Variants in FRMPD3 observed in about 807,000 individuals in gnomAD.
The protein encoded by FRMPD3 is FERM and PDZ domain containing 3.
Under a neutral mutation model 97.9 loss-of-function variants are expected in FRMPD3, and 42 were observed. The observed-to-expected ratio is 0.43, with a 90% CI of 0.34 to 0.55. The LOEUF (loss-of-function observed/expected upper bound fraction) is 0.55, where lower values mean the gene tolerates loss of function less well. FRMPD3 is among the 20% of genes least tolerant of loss of function. The pLI is 0.03. For missense variants in FRMPD3, 1,303 were observed against 1,457.7 expected (o/e 0.89, Z 1.73); for synonymous variants, 577 against 581.1 (o/e 0.99, Z 0.10).
At chrX:107,552,719 C>T (rs1365779007) in intron 6 of FRMPD3, 76 bp from the exon 7 acceptor site, 5 of 1,085,739 alleles carry the variant, frequency 4.6e-6, no homozygotes, top group Non-Finnish European at 5.0e-6. Flanking sequence ...GTTTAATCCC[C>T]CCTCCCATGT....
At chrX:107,477,613 A>C (rs1444389169) in intron 1 of FRMPD3, among the ~76,000 whole-genome samples, 1 of 112,479 alleles carries the variant, frequency 8.9e-6, no homozygotes, top group African/African-American at 3.2e-5. Flanking sequence ...AGTAAAAGGG[A>C]GATGAATTTA....
At chrX:107,483,054 G>A (rs994502516) in intron 1 of FRMPD3, among the ~76,000 whole-genome samples, 1 of 111,930 alleles carries the variant, frequency 8.9e-6, no homozygotes, top group Admixed American at 9.4e-5. Context: ...TATGGGATGC[G>A]AGCAAGGCAT....
intron 1 of FRMPD3, among the ~76,000 whole-genome samples, chrX:107,480,867 G>GA (rs2086942810): frequency 1.6e-5 from 1 of 62,959 alleles, no homozygotes; most frequent in South Asian, 1.0e-3. Flanking sequence ...AGGAAAGAAA[G>GA]AAAGGAAGGA....
At position 107,600,905 on chromosome X, in the gene FRMPD3, A is replaced by C. The variant is rs752427806; in HGVS notation, c.2866A>C (p.Ile956Leu). 1 of 1,209,574 alleles carries C rather than the reference A, an allele frequency of 8.3e-7. No homozygotes were observed. The highest frequency in any genetic ancestry group is 1.1e-6 in the Non-Finnish European group (1 of 894,891). ...DPKSSVTPAIISAALQQVVHN... is the reference protein window; with the variant it reads ...DPKSSVTPAILSAALQQVVHN... ...AAAGAGCAGTGTGACCCCTGCCATCATCTCGGCCGCCCTACAGCAAGTGGT... is the reference window on the plus strand; with the variant it reads ...AAAGAGCAGTGTGACCCCTGCCATCCTCTCGGCCGCCCTACAGCAAGTGGT... Residue 956 changes from isoleucine (I) to leucine (L), a missense_variant, in exon 15 of 15, where the codon ATC (isoleucine) becomes CTC (leucine). Coordinates refer to ENST00000683843, the MANE Select transcript of FRMPD3 (RefSeq NM_001388459.1).
rs1924221795 is a variant in FRMPD3 at position 107,597,362 on chromosome X, C to T, written c.1483C>T (p.Leu495=). The T allele has an allele frequency of 8.3e-7, 1 of 1,207,181 alleles. No homozygotes were observed. Among genetic ancestry groups the T allele is most frequent in the Non-Finnish European group, 1.1e-6 (1 of 894,513 alleles). The change falls in exon 14 of 15, where the codon CTG becomes TTG. Residue 495 remains leucine, a synonymous_variant. Coordinates refer to ENST00000683843, the MANE Select transcript of FRMPD3 (RefSeq NM_001388459.1). The part of the protein sequence containing the change: ...SAHRPVTGGH[L]GKKESSYVGS... ...CCACCGCCCTGTCACTGGGGGCCACCTGGGGAAAAAGGAGAGTAGTTATGT... is the reference window on the plus strand; with the variant it reads ...CCACCGCCCTGTCACTGGGGGCCACTTGGGGAAAAAGGAGAGTAGTTATGT...
At position 107,601,257 on chromosome X, in the gene FRMPD3, T is replaced by C; in HGVS notation, c.3218T>C (p.Val1073Ala). The C allele has an allele frequency of 8.3e-7, 1 of 1,209,451 alleles. No homozygotes were observed. Among genetic ancestry groups the C allele is most frequent in the Non-Finnish European group, 1.1e-6 (1 of 894,178 alleles). ...CTTTTGCGAACAAGCCGAGAGTCAG[T>C]GGGCAAGCAAGCTACAGGGGAGGTG... ...SYLLRTSRES[V>A]GKQATGEVAG... Residue 1073 changes from valine (V) to alanine (A), a missense_variant, in exon 15 of 15, where the codon GTG (valine) becomes GCG (alanine). Physicochemically the swap from Val to Ala is moderately conservative, Grantham distance 64 (BLOSUM62 0). Coordinates refer to ENST00000683843, the MANE Select transcript of FRMPD3 (RefSeq NM_001388459.1).
chrX:107,592,944 A>C (rs1194668477), intron 13 of FRMPD3, among the ~76,000 whole-genome samples: 1 of 109,108 alleles, frequency 9.2e-6, no homozygotes, highest in Non-Finnish European at 1.9e-5. Context: ...ATGCCTGGCT[A>C]ATTTTTGTAT....
chrX:107,459,174 C>A (rs759719590), intron 1 of FRMPD3, among the ~76,000 whole-genome samples: 7 of 112,474 alleles, frequency 6.2e-5, no homozygotes, highest in African/African-American at 1.6e-4. Flanking sequence ...GAGATGATAG[C>A]CAAGCTGGGG....
At chrX:107,477,033 T>C (rs1209983034) in intron 1 of FRMPD3, among the ~76,000 whole-genome samples, 1 of 111,799 alleles carries the variant, frequency 8.9e-6, no homozygotes, top group Non-Finnish European at 1.9e-5. Context: ...CTAGGTGACT[T>C]GAGAGAACCT....
chrX:107,461,098 A>C (rs1251632681), intron 1 of FRMPD3, among the ~76,000 whole-genome samples: 2 of 111,754 alleles, frequency 1.8e-5, no homozygotes, highest in Non-Finnish European at 3.8e-5. Flanking sequence ...CGCTTTAGAG[A>C]TTTCCACACT....
At chrX:107,487,343 T>C (rs1349758863) in intron 1 of FRMPD3, among the ~76,000 whole-genome samples, 1 of 111,319 alleles carries the variant, frequency 9.0e-6, no homozygotes, top group Non-Finnish European at 1.9e-5. Context: ...AGATAAGAGA[T>C]GTTTGCAATG....
chrX:107,509,005 A>G (rs772359653), intron 1 of FRMPD3, among the ~76,000 whole-genome samples: 3 of 111,382 alleles, frequency 2.7e-5, no homozygotes, highest in East Asian at 5.6e-4. Flanking sequence ...CCATCTTCCT[A>G]CCTCCTGGGG....
chrX:107,585,019 A>G (rs1923581242), intron 13 of FRMPD3, among the ~76,000 whole-genome samples: 1 of 112,220 alleles, frequency 8.9e-6, no homozygotes, highest in Non-Finnish European at 1.9e-5. Context: ...CATTGAATCT[A>G]TAAATTACTT....
At chrX:107,464,793 C>T (rs1931530933) in intron 1 of FRMPD3, among the ~76,000 whole-genome samples, 1 of 111,910 alleles carries the variant, frequency 8.9e-6, no homozygotes, top group African/African-American at 3.3e-5. Flanking sequence ...GTCCACCCTG[C>T]TCAGTTCACC....
At chrX:107,453,819 TAAAAC>T (rs754965510) in intron 1 of FRMPD3, among the ~76,000 whole-genome samples, 1 of 111,932 alleles carries the variant, frequency 8.9e-6, no homozygotes, top group East Asian at 2.8e-4. Flanking sequence ...GCACCATCCT[TAAAAC>T]AGAACATTAA....
rs776884244 is a variant in FRMPD3, at chrX:107,459,873, G to A, written c.-8+9868G>A. 8.9e-5 allele frequency among the ~76,000 whole-genome samples: 8 copies of A among 89,649 alleles called. No individual in the cohort carries two copies. In the East Asian group the frequency reaches 2.2e-3, roughly 25 times the overall value. The allele number at this position is 89,649 out of a possible 115,157, so 77.8% of individuals were successfully genotyped here. On this transcript the variant is annotated intron_variant, in intron 1 of 14. Transcript: ENST00000683843. ...CACACGTGTGTGTGCGTGCGTGCAC[G>A]CAAGCATACATACACACACACACAC...
intron 1 of FRMPD3, among the ~76,000 whole-genome samples, chrX:107,506,862 G>A (rs1370797476): frequency 8.9e-6 from 1 of 112,085 alleles, no homozygotes; most frequent in Non-Finnish European, 1.9e-5. Context: ...TTCTAAGGCA[G>A]GTTTCTAAGG....
At chrX:107,573,547 C>T (rs1038156064) in intron 12 of FRMPD3, among the ~76,000 whole-genome samples, 5 of 111,804 alleles carry the variant, frequency 4.5e-5, no homozygotes, top group Non-Finnish European at 9.4e-5. Context: ...AAAGTCCCTT[C>T]TACCCCTTCC....
At chrX:107,523,218 TG>T (rs200737655) in intron 1 of FRMPD3, among the ~76,000 whole-genome samples, 1,234 of 111,631 alleles carry the variant, frequency 0.011, 22 homozygotes, top group African/African-American at 0.038. Flanking sequence ...AATGGCCTTC[TG>T]GTCTGTTAAT....
Sources: allele counts gnomAD v4.1 joint callset (sites outside exome capture counted in the v4.1 genomes callset), GRCh38; gene constraint gnomAD v4.1.1; transcripts MANE v1.5; gene names NCBI Gene and HGNC (gene_info 2026-07-23, HGNC 2026-07-21).